The following MTA3 variants were observed in gnomAD, a reference collection of about 807,000 sequenced individuals.
The protein encoded by MTA3 is metastasis associated 1 family member 3.
A neutral mutation model predicts 83.5 loss-of-function variants in MTA3; 34 were observed. The observed-to-expected ratio is 0.41, with a 90% CI of 0.31 to 0.54. MTA3 has a LOEUF of 0.54. Among genes scored for constraint, MTA3 ranks in the 20% least tolerant of loss-of-function variants. MTA3 has a pLI of 0.33. For missense variants in MTA3, 761 were observed against 726.4 expected (o/e 1.05, Z -0.55); for synonymous variants, 303 against 252.7 (o/e 1.20, Z -1.89).
chr2:42,668,520 C>T (rs796923181), intron 8 of MTA3, among the ~76,000 whole-genome samples: 5 of 152,062 alleles, frequency 3.3e-5, no homozygotes, highest in African/African-American at 1.2e-4. Context: ...GTAAAGTGTT[C>T]AGAGCAGTAT....
intron 16 of MTA3, among the ~76,000 whole-genome samples, chr2:42,746,985 G>T (rs1006149527): frequency 6.6e-6 from 1 of 151,444 alleles, no homozygotes; most frequent in African/African-American, 2.4e-5. Context: ...AGCAAGTCTT[G>T]TCTGTTCAGG....
At chr2:42,727,420 A>G (rs1009510561) in intron 16 of MTA3, among the ~76,000 whole-genome samples, 24 of 152,138 alleles carry the variant, frequency 1.6e-4, no homozygotes, top group African/African-American at 5.3e-4. Context: ...CACTGTGGAC[A>G]TTTTTACTGC....
chr2:42,673,648 A>G (rs949246218), intron 8 of MTA3, among the ~76,000 whole-genome samples: 5 of 152,182 alleles, frequency 3.3e-5, no homozygotes, highest in Admixed American at 3.3e-4. Context: ...CACTTGTGGA[A>G]TAAAAGGCAA....
At chr2:42,556,100 AAAAC>A (rs942224407) in intron 2 of MTA3, among the ~76,000 whole-genome samples, 6 of 151,976 alleles carry the variant, frequency 3.9e-5, no homozygotes, top group African/African-American at 1.2e-4. Flanking sequence ...AACAAAAAAA[AAAAC>A]AAACAAAAAA....
At position 42,741,489 on chromosome 2, in the gene MTA3, G is replaced by A. The variant is rs188533673; in HGVS notation, c.1760-11885G>A. Among the ~76,000 whole-genome samples, 8 of 152,210 alleles carry A rather than the reference G, an allele frequency of 5.3e-5. No individual in the cohort carries two copies. In the East Asian group the frequency reaches 1.4e-3, roughly 26 times the overall value. Reference sequence around the variant, plus strand: ...TCCTCATGAAGGCTCATCATTTCTGGCTTTTGATTTAAAGTGAGAGATACC... The same window carrying A: ...TCCTCATGAAGGCTCATCATTTCTGACTTTTGATTTAAAGTGAGAGATACC... On this transcript the variant is annotated intron_variant, in intron 16 of 16. Transcript: ENST00000405094.
intron 15 of MTA3, among the ~76,000 whole-genome samples, chr2:42,720,064 G>T (rs1667293069): frequency 6.6e-6 from 1 of 152,078 alleles, no homozygotes; most frequent in African/African-American, 2.4e-5. Flanking sequence ...CTTGAATTTG[G>T]TATATTATCT....
chr2:42,737,320 A>G (rs1350001863), intron 16 of MTA3, among the ~76,000 whole-genome samples: 1 of 152,144 alleles, frequency 6.6e-6, no homozygotes, highest in African/African-American at 2.4e-5. Flanking sequence ...GGGATGAGCT[A>G]TTCCCCTCTG....
At chr2:42,499,848 G>A (rs570302920) in intron 2 of MTA3, among the ~76,000 whole-genome samples, 1 of 152,070 alleles carries the variant, frequency 6.6e-6, no homozygotes, top group Non-Finnish European at 1.5e-5. Flanking sequence ...GGCATAGATT[G>A]TGATGACAGT....
chr2:42,713,855 A>G (rs1004301203), intron 14 of MTA3, among the ~76,000 whole-genome samples: 1 of 152,300 alleles, frequency 6.6e-6, no homozygotes, highest in African/African-American at 2.4e-5. Context: ...TTCTATCATA[A>G]ATAATGTTGC....
chr2:42,576,112 T>A (rs906814611), intron 2 of MTA3, among the ~76,000 whole-genome samples: 1 of 152,232 alleles, frequency 6.6e-6, no homozygotes, highest in African/African-American at 2.4e-5. Flanking sequence ...CCAGGCACTA[T>A]GCTAGGCTCA....
intron 2 of MTA3, among the ~76,000 whole-genome samples, chr2:42,523,480 T>C (rs1675523724): frequency 6.6e-6 from 1 of 152,088 alleles, no homozygotes; most frequent in Non-Finnish European, 1.5e-5. Flanking sequence ...AAGAAAGAGC[T>C]ACAAGAGGAA....
At chr2:42,664,985 C>G (rs1403926912) in intron 8 of MTA3, among the ~76,000 whole-genome samples, 2 of 152,188 alleles carry the variant, frequency 1.3e-5, no homozygotes, top group Admixed American at 6.5e-5. Flanking sequence ...CTGTGAATTT[C>G]AAACACTGCT....
intron 2 of MTA3, among the ~76,000 whole-genome samples, chr2:42,528,379 C>T (rs1331817039): frequency 6.6e-6 from 1 of 152,038 alleles, no homozygotes; most frequent in African/African-American, 2.4e-5. Context: ...GCCACCACAC[C>T]CGGCTAATTT....
At chr2:42,622,630 G>C (rs974938423) in intron 4 of MTA3, among the ~76,000 whole-genome samples, 2 of 151,690 alleles carry the variant, frequency 1.3e-5, no homozygotes, top group Non-Finnish European at 2.9e-5. Flanking sequence ...AGGTATAAAC[G>C]TAAAGGAATC....
intron 3 of MTA3, among the ~76,000 whole-genome samples, chr2:42,592,760 A>G (rs1331306576): frequency 6.6e-6 from 1 of 152,202 alleles, no homozygotes; most frequent in Non-Finnish European, 1.5e-5. Flanking sequence ...ATCATCTTTG[A>G]TAACAATTCC....
At position 42,755,611 on chromosome 2, in the gene MTA3, T is replaced by G; in HGVS notation, c.*2212T>G. Reference sequence around the variant, plus strand: ...CCCTTTGTCTCTGGAAACTGCCCCCTCGTTCTGACAGAATCCCCCAGGCAA... The same window carrying G: ...CCCTTTGTCTCTGGAAACTGCCCCCGCGTTCTGACAGAATCCCCCAGGCAA... On this transcript the variant is annotated 3_prime_UTR_variant, in exon 17 of 17. Transcript: ENST00000405094. 1 of 985,614 alleles carries G rather than the reference T, an allele frequency of 1.0e-6. No individual in the cohort carries two copies. Among genetic ancestry groups the G allele is most frequent in the Non-Finnish European group, 1.2e-6 (1 of 830,056 alleles). The allele number at this position is 985,614 out of a possible 1,614,324, so 61.1% of individuals were successfully genotyped here.
At chr2:42,639,141 A>C (rs1304295891) in intron 4 of MTA3, among the ~76,000 whole-genome samples, 1 of 149,534 alleles carries the variant, frequency 6.7e-6, no homozygotes, top group Middle Eastern at 3.2e-3. Flanking sequence ...GCTCACTGCA[A>C]CCTCTGCCTC....
chr2:42,643,554 A>G (rs1307541369), intron 5 of MTA3, among the ~76,000 whole-genome samples: 1 of 152,244 alleles, frequency 6.6e-6, no homozygotes, highest in Non-Finnish European at 1.5e-5. Flanking sequence ...TGTATGCCTC[A>G]GTACTTAACT....
rs1403607352 is a variant in MTA3, at chr2:42,656,257, G to A, written c.557G>A (p.Ser186Asn). 1.2e-6 allele frequency: 2 copies of A among 1,613,640 alleles called. No homozygotes were observed. The highest frequency in any genetic ancestry group is 1.1e-5 in the South Asian group (1 of 91,066). ...KLEVKVWDPN[S>N]PLTDRQIDQF... Reference sequence around the variant, plus strand: ...GAAGTTAAAGTTTGGGATCCAAATAGCCCACTTACGGATCGACAGATTGAC... The same window carrying A: ...GAAGTTAAAGTTTGGGATCCAAATAACCCACTTACGGATCGACAGATTGAC... The change falls in exon 7 of 17, where the codon AGC becomes AAC. Residue 186 changes from serine to asparagine, a missense_variant. Transcript: ENST00000405094.
Sources: gnomAD v4.1 joint callset for allele counts (sites outside exome capture counted in the v4.1 genomes callset) on GRCh38, gnomAD v4.1.1 for gene constraint, MANE v1.5 for transcripts, NCBI Gene and HGNC (gene_info 2026-07-23, HGNC 2026-07-21) for gene names.